The following MGAT4A variants were observed in gnomAD, a reference collection of about 807,000 sequenced individuals.
The protein encoded by MGAT4A is N-acetylglucosaminyltransferase IVa.
MGAT4A carries 33 observed loss-of-function variants against 74.1 expected under a neutral mutation model. That is an observed-to-expected ratio of 0.45 (90% CI 0.34 to 0.60). The LOEUF is 0.60. Ranked by LOEUF, MGAT4A falls within the 20% of genes least tolerant of loss-of-function variation. The pLI, the probability that MGAT4A is intolerant of heterozygous loss-of-function variation, is 0.02. For synonymous variants in MGAT4A, 198 were observed against 210.4 expected (o/e 0.94, Z 0.51); for missense variants, 479 against 628.3 (o/e 0.76, Z 2.54).
At chr2:98,692,538 A>T (rs996249982) in intron 2 of MGAT4A, among the ~76,000 whole-genome samples, 7 of 151,970 alleles carry the variant, frequency 4.6e-5, no homozygotes, top group African/African-American at 1.7e-4. Flanking sequence ...CTCCCCACTC[A>T]CTCACTGACT....
At chr2:98,662,367 TG>T (rs1701764868) in intron 5 of MGAT4A, among the ~76,000 whole-genome samples, 1 of 152,210 alleles carries the variant, frequency 6.6e-6, no homozygotes, top group Admixed American at 6.5e-5. Context: ...TATATATTTA[TG>T]TAATTGTTTT....
Position 98,689,431 on chromosome 2 carries a change from C to CT in MGAT4A, c.95-10961dup, listed in dbSNP as rs1157162484. The stretch of plus-strand genomic sequence containing the variant: ...TTCAGATGACAATATCCTTGAAGAA[C>CT]TTTCTCTAATTCAGATGAGACTTCC... On this transcript the variant is annotated intron_variant, in intron 2 of 15. Coordinates refer to ENST00000393487, the MANE Select transcript of MGAT4A (RefSeq NM_012214.3). 3.9e-5 allele frequency among the ~76,000 whole-genome samples: 6 copies of CT among 152,134 alleles called. No individual in the cohort carries two copies. In the East Asian group the frequency reaches 9.6e-4, roughly 24 times the overall value.
At chr2:98,636,282 CG>C (rs1284729655) in intron 13 of MGAT4A, among the ~76,000 whole-genome samples, 2 of 151,934 alleles carry the variant, frequency 1.3e-5, no homozygotes. Flanking sequence ...CGTGAGCCAC[CG>C]GGTGTGGCCT....
chr2:98,678,233 GAAAAAAA>G (rs748879200), intron 3 of MGAT4A, 64 bp downstream of exon 3: 5 of 180,996 alleles, frequency 2.8e-5, no homozygotes, highest in East Asian at 2.0e-4. Flanking sequence ...CTGTCTCAAA[GAAAAAAA>G]AAAAAAAAAA....
At chr2:98,690,434 C>T (rs925180754) in intron 2 of MGAT4A, among the ~76,000 whole-genome samples, 1 of 152,186 alleles carries the variant, frequency 6.6e-6, no homozygotes, top group Admixed American at 6.5e-5. Context: ...GGAATCCCTC[C>T]CTGCTGGGTA....
At chr2:98,693,573 T>C (rs902053846) in intron 2 of MGAT4A, among the ~76,000 whole-genome samples, 1 of 151,892 alleles carries the variant, frequency 6.6e-6, no homozygotes, top group Admixed American at 6.6e-5. Flanking sequence ...TGGGTGTGGT[T>C]GCACGCATCT....
chr2:98,712,267 C>T (rs1702528733), intron 2 of MGAT4A, among the ~76,000 whole-genome samples: 1 of 152,218 alleles, frequency 6.6e-6, no homozygotes, highest in South Asian at 2.1e-4. Flanking sequence ...TGTGAGAATC[C>T]TTTCCAGAAT....
At chr2:98,725,394 A>G (rs1559178076) in intron 2 of MGAT4A, among the ~76,000 whole-genome samples, 1 of 152,320 alleles carries the variant, frequency 6.6e-6, no homozygotes, top group East Asian at 1.9e-4. Context: ...AGAAAAAAAT[A>G]AGGTTACAAA....
At chr2:98,628,896 G>A (rs918275808) in intron 14 of MGAT4A, among the ~76,000 whole-genome samples, 1 of 152,050 alleles carries the variant, frequency 6.6e-6, no homozygotes, top group Non-Finnish European at 1.5e-5. Context: ...GCATGACCTC[G>A]ATCTCTCCTG....
chr2:98,635,337 A>AC, intron 13 of MGAT4A, 49 bp from the exon 14 acceptor site: 1 of 1,386,076 alleles, frequency 7.2e-7, no homozygotes, highest in South Asian at 1.2e-5. Context: ...TTTCTATTTA[A>AC]CCTAAGTTAT....
At chr2:98,680,126 C>T (rs1190107256) in intron 2 of MGAT4A, among the ~76,000 whole-genome samples, 1 of 149,960 alleles carries the variant, frequency 6.7e-6, no homozygotes. Context: ...CTGCTGCAAC[C>T]TCCGCCCCCT....
At chr2:98,715,130 A>G (rs539137266) in intron 2 of MGAT4A, among the ~76,000 whole-genome samples, 1 of 152,196 alleles carries the variant, frequency 6.6e-6, no homozygotes, top group South Asian at 2.1e-4. Context: ...AGGCTGGCCA[A>G]CACGGTGAAA....
At chr2:98,675,271 A>G (rs1362029205) in intron 3 of MGAT4A, 96 bp from the exon 4 acceptor site, 2 of 884,764 alleles carry the variant, frequency 2.3e-6, no homozygotes, top group African/African-American at 1.7e-5. Flanking sequence ...AACTAGAACT[A>G]AAGAATTTTC....
rs1000869481 is a variant in MGAT4A, at chr2:98,622,018, C to T, written c.*3548G>A. 3.0e-6 allele frequency: 3 copies of T among 987,380 alleles called. No homozygotes were observed. Among genetic ancestry groups the T allele is most frequent in the Non-Finnish European group, 3.6e-6 (3 of 831,344 alleles). 61.2% of individuals were successfully genotyped at this position (987,380 alleles called of 1,614,324 possible). A position where few individuals can be genotyped will look rare whatever the true frequency, so the allele number is the denominator to read the frequency against. The stretch of plus-strand genomic sequence containing the variant: ...TTCCAAAGCTTTTCAATCACACTGT[C>T]TGTTCTGACTACACAGTATGGTACA... On this transcript the variant is annotated 3_prime_UTR_variant, in exon 16 of 16. Transcript: ENST00000393487.
intron 4 of MGAT4A, among the ~76,000 whole-genome samples, chr2:98,670,486 T>A (rs1004906486): frequency 6.6e-6 from 1 of 152,230 alleles, no homozygotes; most frequent in African/African-American, 2.4e-5. Context: ...CAAATTCTAG[T>A]TCGTATTTCC....
chr2:98,660,408 A>ACG (rs1311260401), intron 5 of MGAT4A, among the ~76,000 whole-genome samples: 14 of 131,678 alleles, frequency 1.1e-4, no homozygotes, highest in Middle Eastern at 3.7e-3. Flanking sequence ...ACACACACAC[A>ACG]CACGCACGCG....
intron 14 of MGAT4A, among the ~76,000 whole-genome samples, chr2:98,626,457 G>A (rs1196449043): frequency 1.3e-5 from 2 of 152,106 alleles, no homozygotes; most frequent in Non-Finnish European, 2.9e-5. Context: ...CTTGCTATCA[G>A]GAATAACATC....
At chr2:98,636,463 T>C in intron 13 of MGAT4A, 54 bp downstream of exon 13, 1 of 1,312,054 alleles carries the variant, frequency 7.6e-7, no homozygotes, top group South Asian at 1.2e-5. Flanking sequence ...AGCTTCAAGC[T>C]AAGTCTACTA....
chr2:98,680,053 T>C (rs1559167413), intron 2 of MGAT4A, among the ~76,000 whole-genome samples: 1 of 151,308 alleles, frequency 6.6e-6, no homozygotes, highest in African/African-American at 2.4e-5. Flanking sequence ...TTTTTTTTTT[T>C]TTTCTGAGAC....
Sources: gnomAD v4.1 joint callset for allele counts (sites outside exome capture counted in the v4.1 genomes callset) on GRCh38, gnomAD v4.1.1 for gene constraint, MANE v1.5 for transcripts, NCBI Gene and HGNC (gene_info 2026-07-23, HGNC 2026-07-21) for gene names.